The following HIF1A variants were observed in gnomAD, a reference collection of about 807,000 sequenced individuals.
HIF1A encodes hypoxia inducible factor 1 subunit alpha, also known as hypoxia-inducible factor 1-alpha.
Under a neutral mutation model 92.7 loss-of-function variants are expected in HIF1A, and 24 were observed. The observed-to-expected ratio is 0.26, with a 90% CI of 0.19 to 0.36. The LOEUF is 0.36. HIF1A is among the 10% of genes least tolerant of loss of function. The probability of loss-of-function intolerance (pLI) is 1.00; values close to 1 mark genes in which losing one functional copy is unlikely to be tolerated. For missense variants in HIF1A, 799 were observed against 998.5 expected (o/e 0.80, Z 2.69); for synonymous variants, 319 against 338.7 (o/e 0.94, Z 0.64).
intron 14 of HIF1A, among the ~76,000 whole-genome samples, chr14:61,746,173 A>G (rs1459043101): frequency 6.6e-6 from 1 of 150,984 alleles, no homozygotes; most frequent in Admixed American, 6.6e-5. Context: ...GCAGTGAGCC[A>G]AGATGGCACC....
chr14:61,730,230 T>C (rs1957757), intron 6 of HIF1A, among the ~76,000 whole-genome samples: 112,876 of 152,094 alleles, frequency 0.74, 46,913 homozygotes, highest in Non-Finnish European at 0.92. Context: ...CCTTTTGGTA[T>C]AGAATATAAC....
At chr14:61,730,629 T>C (rs1270600883) in intron 6 of HIF1A, among the ~76,000 whole-genome samples, 4 of 152,212 alleles carry the variant, frequency 2.6e-5, no homozygotes, top group Admixed American at 2.6e-4. Flanking sequence ...TAAGAGGCTG[T>C]TCCTCATTCT....
rs376679527 is a variant in HIF1A, at chr14:61,746,929, T to C, written c.2330-5T>C. 1.3e-6 allele frequency: 2 copies of C among 1,596,524 alleles called. No homozygotes were observed. The highest frequency in any genetic ancestry group is 2.7e-5 in the African/African-American group (2 of 74,032). Reference sequence around the variant, plus strand: ...GTATACTTAGGTATCTCTTTTGTTTTTCAGATTTAGCATGTAGACTGCTGG... The same window carrying C: ...GTATACTTAGGTATCTCTTTTGTTTCTCAGATTTAGCATGTAGACTGCTGG... On this transcript the variant is annotated splice_polypyrimidine_tract_variant and splice_region_variant and intron_variant, in intron 14 of 14. Coordinates refer to ENST00000337138, the MANE Select transcript of HIF1A (RefSeq NM_001530.4).
intron 1 of HIF1A, among the ~76,000 whole-genome samples, chr14:61,712,132 G>A (rs1277240647): frequency 6.6e-6 from 1 of 152,218 alleles, no homozygotes; most frequent in Non-Finnish European, 1.5e-5. Context: ...AGAGGACCAA[G>A]ATGGAGGCAG....
chr14:61,738,457 T>C (rs10138153), intron 10 of HIF1A, 84 bp downstream of exon 10: 1,175,603 of 1,194,166 alleles, frequency 0.98, 579,676 homozygotes, highest in Non-Finnish European at 1. Flanking sequence ...TTCAAACACT[T>C]ATTTGAACCA....
At chr14:61,697,652 G>A in intron 1 of HIF1A, 1 of 1,159,384 alleles carries the variant, frequency 8.6e-7, no homozygotes, top group South Asian at 3.9e-5. Flanking sequence ...TGGATTGGAT[G>A]GATTCATATT....
intron 12 of HIF1A, among the ~76,000 whole-genome samples, chr14:61,741,817 A>G (rs1054264206): frequency 4.6e-5 from 7 of 152,332 alleles, no homozygotes; most frequent in Admixed American, 2.6e-4. Context: ...AAATCAGACT[A>G]GTTAACTACC....
chr14:61,695,584 C>A lies in HIF1A; in HGVS notation c.-221C>A. 1.7e-6 allele frequency: 1 copy of A among 593,838 alleles called. No individual in the cohort carries two copies. The highest frequency in any genetic ancestry group is 3.0e-6 in the Non-Finnish European group (1 of 335,486). The allele number at this position is 593,838 out of a possible 1,614,324, so 36.8% of individuals were successfully genotyped here. ...TCGTCGCTTCGGCCAGTGTGTCGGG[C>A]TGGGCCCTGACAAGCCACCTGAGGA... On this transcript the variant is annotated 5_prime_UTR_variant, in exon 1 of 15. The change creates a new upstream start codon in the 5' untranslated region. Transcript: ENST00000337138.
At chr14:61,729,656 C>T (rs2044551036) in intron 6 of HIF1A, among the ~76,000 whole-genome samples, 1 of 152,058 alleles carries the variant, frequency 6.6e-6, no homozygotes, top group African/African-American at 2.4e-5. Flanking sequence ...CAGAGATTTC[C>T]ATCCTATTTT....
chr14:61,736,911 A>C lies in HIF1A; in HGVS notation c.1051A>C (p.Ile351Leu). 6.2e-7 allele frequency: 1 copy of C among 1,613,540 alleles called. No individual in the cohort carries two copies. The highest frequency in any genetic ancestry group is 8.5e-7 in the Non-Finnish European group (1 of 1,179,566). The change falls in exon 9 of 15, where the codon ATT (isoleucine) becomes CTT (leucine). Residue 351 changes from isoleucine (I) to leucine (L), a missense_variant. Physicochemically the swap from Ile to Leu is conservative, Grantham distance 5. This residue lies in a region of HIF1A where 516 missense variants were observed against 721.0 expected (regional missense o/e 0.72). Coordinates refer to ENST00000337138, the MANE Select transcript of HIF1A (RefSeq NM_001530.4). ...CAGTGGTATTATTCAGCACGACTTG[A>C]TTTTCTCCCTTCAACAAACAGAATG... is the stretch of plus-strand genomic sequence containing the variant. Reference protein sequence around the residue: ...VVSGIIQHDLIFSLQQTECVL... With the variant: ...VVSGIIQHDLLFSLQQTECVL...
chr14:61,715,079 G>A (rs1438924218), intron 1 of HIF1A, among the ~76,000 whole-genome samples: 4 of 152,106 alleles, frequency 2.6e-5, no homozygotes, highest in Non-Finnish European at 5.9e-5. Context: ...CAAATGTTGA[G>A]CAAGTAAAAC....
intron 2 of HIF1A, 28 bp downstream of exon 2, chr14:61,720,600 G>T (rs1368917695): frequency 1.4e-6 from 2 of 1,398,868 alleles, no homozygotes; most frequent in South Asian, 2.8e-5. Flanking sequence ...GGTATAAATA[G>T]GCCTGAAAAT....
At chr14:61,699,644 T>C (rs1161414632) in intron 1 of HIF1A, among the ~76,000 whole-genome samples, 1 of 152,188 alleles carries the variant, frequency 6.6e-6, no homozygotes, top group African/African-American at 2.4e-5. Context: ...CATAAGTCTG[T>C]TTCTTAACCA....
chr14:61,696,271 A>C (rs969396493), intron 1 of HIF1A, among the ~76,000 whole-genome samples: 1 of 152,146 alleles, frequency 6.6e-6, no homozygotes, highest in Non-Finnish European at 1.5e-5. Context: ...TCCCGCCCCC[A>C]TCCTCTCCAG....
In HIF1A at chr14:61,725,651, G is replaced by A. The variant is rs565948184; in HGVS notation, c.458-1055G>A. Reference sequence around the variant, plus strand: ...CATGGTCTCAAACTTCTGTCCTCAAGTGATCTTCCTGCCTCAGCCTCCCAA... The same window carrying A: ...CATGGTCTCAAACTTCTGTCCTCAAATGATCTTCCTGCCTCAGCCTCCCAA... On this transcript the variant is annotated intron_variant, in intron 4 of 14. Transcript: ENST00000337138. Among the ~76,000 whole-genome samples the A allele has an allele frequency of 5.1e-4, 78 of 152,330 alleles. 1 individual carries two copies. The highest frequency in any genetic ancestry group is 1.9e-3 in the African/African-American group (77 of 41,568).
intron 4 of HIF1A, among the ~76,000 whole-genome samples, chr14:61,722,616 A>C (rs1407470480): frequency 1.3e-5 from 2 of 152,212 alleles, no homozygotes; most frequent in African/African-American, 4.8e-5. Context: ...GACAGTCATT[A>C]AAGTTGAGGT....
chr14:61,717,490 C>T (rs944886056), intron 1 of HIF1A, among the ~76,000 whole-genome samples: 2 of 152,066 alleles, frequency 1.3e-5, no homozygotes, highest in Admixed American at 1.3e-4. Flanking sequence ...ATAGGTTTGT[C>T]AACTCTATAT....
intron 13 of HIF1A, 194 bp from the exon 14 acceptor site, chr14:61,745,497 A>AT (rs2044769417): frequency 3.4e-6 from 2 of 596,610 alleles, no homozygotes; most frequent in Non-Finnish European, 6.0e-6. Flanking sequence ...TTCAAACTAA[A>AT]TTAACTGGAA....
At position 61,747,020 on chromosome 14, in the gene HIF1A, A is replaced by G. The variant is rs1258843938; in HGVS notation, c.2416A>G (p.Ile806Val). The G allele has an allele frequency of 8.1e-6, 13 of 1,613,436 alleles. No homozygotes were observed. The highest frequency in any genetic ancestry group is 6.7e-5 in the Admixed American group (4 of 59,950). Residue 806 changes from isoleucine (I) to valine (V), a missense_variant, in exon 15 of 15, where the codon ATA becomes GTA. Physicochemically the swap from Ile to Val is conservative, Grantham distance 29. Coordinates refer to ENST00000337138, the MANE Select transcript of HIF1A (RefSeq NM_001530.4). ...TTATGATTGTGAAGTTAATGCTCCT[A>G]TACAAGGCAGCAGAAACCTACTGCA... ...TSYDCEVNAP[I>V]QGSRNLLQGE... is the part of the protein sequence containing the mutation.
Sources: allele counts gnomAD v4.1 joint callset (sites outside exome capture counted in the v4.1 genomes callset), GRCh38; gene constraint gnomAD v4.1.1; regional missense constraint gnomAD v4.1.1; transcripts MANE v1.5; gene names NCBI Gene and HGNC (gene_info 2026-07-23, HGNC 2026-07-21).